Variants in RBM47 observed in about 807,000 individuals in gnomAD.
The protein encoded by RBM47 is RNA-binding protein 47.
A neutral mutation model predicts 47.1 loss-of-function variants in RBM47; 21 were observed. The observed-to-expected ratio is 0.45, with a 90% CI of 0.32 to 0.64. RBM47 has a LOEUF of 0.64. RBM47 is among the 30% of genes least tolerant of loss of function. The probability of loss-of-function intolerance (pLI) is 0.05; values close to 1 mark genes in which losing one functional copy is unlikely to be tolerated. For synonymous variants in RBM47, 375 were observed against 361.7 expected, an observed-to-expected ratio of 1.04 and a Z score of -0.42; for missense variants, 708 against 870.9, an observed-to-expected ratio of 0.81 and a Z score of 2.35.
At chr4:40,458,321 G>A (rs928022168) in intron 3 of RBM47, among the ~76,000 whole-genome samples, 22 of 152,092 alleles carry the variant, frequency 1.4e-4, no homozygotes, top group African/African-American at 5.1e-4. Flanking sequence ...CTTTTATTTG[G>A]TGAACATTAG....
intron 1 of RBM47, among the ~76,000 whole-genome samples, chr4:40,567,252 A>G (rs1731190670): frequency 6.6e-6 from 1 of 151,982 alleles, no homozygotes; most frequent in Admixed American, 6.5e-5. Context: ...ATTTTAGGAA[A>G]GTTACGTAAG....
chr4:40,540,039 C>T (rs1728357261), intron 2 of RBM47, among the ~76,000 whole-genome samples: 2 of 152,092 alleles, frequency 1.3e-5, no homozygotes, highest in Non-Finnish European at 2.9e-5. Context: ...AGGGTAAGGA[C>T]TCCAAATGTT....
intron 1 of RBM47, among the ~76,000 whole-genome samples, chr4:40,575,649 C>T (rs1438204375): frequency 6.6e-6 from 1 of 151,932 alleles, no homozygotes; most frequent in East Asian, 1.9e-4. Flanking sequence ...TGGTTTTGTC[C>T]TTAATCCCCG....
chr4:40,430,417 A>G lies in RBM47; in HGVS notation c.1542+2234T>C, dbSNP rs141704529. Among the ~76,000 whole-genome samples, 51 of 152,310 alleles carry G rather than the reference A, an allele frequency of 3.3e-4. No individual in the cohort carries two copies. In the East Asian group the frequency reaches 8.1e-3, roughly 24 times the overall value. ...AAGGAGAATTAGAAATTATTATCAG[A>G]ATTCCACTAAGTACTGCTGCTACGC... On this transcript the variant is annotated intron_variant, in intron 6 of 6. Coordinates refer to ENST00000295971, the MANE Select transcript of RBM47 (RefSeq NM_001098634.2).
intron 3 of RBM47, among the ~76,000 whole-genome samples, chr4:40,452,290 G>C (rs541681290): frequency 6.6e-6 from 1 of 152,220 alleles, no homozygotes; most frequent in African/African-American, 2.4e-5. Context: ...GGTGGATATG[G>C]GGCAGAAGAT....
intron 3 of RBM47, among the ~76,000 whole-genome samples, chr4:40,461,486 C>T (rs1209326040): frequency 6.6e-6 from 1 of 152,210 alleles, no homozygotes; most frequent in Non-Finnish European, 1.5e-5. Context: ...GTTATTTCCT[C>T]TTTCCCAAAT....
intron 3 of RBM47, among the ~76,000 whole-genome samples, chr4:40,457,199 C>T (rs1400655012): frequency 1.3e-5 from 2 of 151,212 alleles, no homozygotes; most frequent in East Asian, 2.0e-4. Flanking sequence ...TGGAGCGGAT[C>T]ACCTGAGATC....
At chr4:40,570,097 G>T (rs1437767802) in intron 1 of RBM47, among the ~76,000 whole-genome samples, 3 of 151,980 alleles carry the variant, frequency 2.0e-5, no homozygotes, top group Admixed American at 1.3e-4. Context: ...TTCTAAAGCA[G>T]CGGTCCCCAA....
At chr4:40,600,513 A>T (rs1265090312) in intron 1 of RBM47, among the ~76,000 whole-genome samples, 5 of 151,492 alleles carry the variant, frequency 3.3e-5, no homozygotes, top group Admixed American at 3.3e-4. Context: ...GGGCGCCTGT[A>T]GTCCCAGCTA....
intron 4 of RBM47, among the ~76,000 whole-genome samples, chr4:40,437,090 A>AAAAAAAAAAAAAAAAAATATATAT (rs1256296949): frequency 4.0e-5 from 2 of 49,840 alleles, no homozygotes; most frequent in Non-Finnish European, 6.6e-5. Context: ...AAAAAAAAAA[A>AAAAAAAAAAAAAAAAAATATATAT]ATATATATAT....
chr4:40,499,822 C>T (rs1484673547), intron 2 of RBM47, among the ~76,000 whole-genome samples: 1 of 152,232 alleles, frequency 6.6e-6, no homozygotes, highest in Admixed American at 6.5e-5. Flanking sequence ...AGAGTATTCA[C>T]TCACTCATTC....
At position 40,438,507 on chromosome 4, in the gene RBM47, A is replaced by T. The variant is rs369818557; in HGVS notation, c.387T>A (p.Arg129=). The T allele has an allele frequency of 1.9e-5, 30 of 1,613,428 alleles. No individual in the cohort carries two copies. The African/African-American group carries it at 3.5e-4, about 19-fold the overall frequency. ...CHKHEAKRAV[R]ELNNYEIRPG... Reference sequence around the variant, plus strand: ...GGCGGATCTCGTAGTTGTTGAGCTCACGCACTGCGCGCTTGGCCTCGTGCT... The same window carrying T: ...GGCGGATCTCGTAGTTGTTGAGCTCTCGCACTGCGCGCTTGGCCTCGTGCT... The change falls in exon 4 of 7, where the codon CGT becomes CGA. Residue 129 remains arginine (R), a synonymous_variant. Transcript: ENST00000295971.
intron 2 of RBM47, among the ~76,000 whole-genome samples, chr4:40,485,782 G>A (rs1720983611): frequency 1.3e-5 from 2 of 151,870 alleles, no homozygotes; most frequent in African/African-American, 2.4e-5. Flanking sequence ...AAAATAGGCC[G>A]GGTAGGGTGG....
chr4:40,528,443 T>C (rs1179774689), intron 2 of RBM47, among the ~76,000 whole-genome samples: 6 of 151,554 alleles, frequency 4.0e-5, no homozygotes, highest in African/African-American at 1.5e-4. Context: ...GGTCTCTCAC[T>C]GAGAAAACAA....
At chr4:40,433,388 C>A (rs1050225644) in intron 5 of RBM47, among the ~76,000 whole-genome samples, 1 of 152,146 alleles carries the variant, frequency 6.6e-6, no homozygotes, top group African/African-American at 2.4e-5. Context: ...GCAGGTAACT[C>A]CCCCTGCCTG....
At chr4:40,523,115 G>A (rs561797818) in intron 2 of RBM47, among the ~76,000 whole-genome samples, 5 of 151,790 alleles carry the variant, frequency 3.3e-5, no homozygotes, top group South Asian at 4.2e-4. Context: ...ATAGGCATGC[G>A]CCACTATGCC....
chr4:40,443,168 T>A, intron 3 of RBM47, among the ~76,000 whole-genome samples: 1 of 149,788 alleles, frequency 6.7e-6, no homozygotes, highest in Admixed American at 6.7e-5. Context: ...AAGGGAGGAG[T>A]GGGGAATTAG....
chr4:40,459,840 C>T (rs758823971), intron 3 of RBM47, among the ~76,000 whole-genome samples: 46 of 152,260 alleles, frequency 3.0e-4, no homozygotes, highest in Admixed American at 1.1e-3. Flanking sequence ...CCTCTGCCTC[C>T]GCCTCCCAGG....
At chr4:40,478,101 C>T (rs547329011) in intron 2 of RBM47, among the ~76,000 whole-genome samples, 47 of 150,330 alleles carry the variant, frequency 3.1e-4, no homozygotes, top group African/African-American at 1.1e-3. Context: ...CCGCAACCTC[C>T]GCCTCCTGGG....
Sources: allele counts gnomAD v4.1 joint callset (sites outside exome capture counted in the v4.1 genomes callset), GRCh38; gene constraint gnomAD v4.1.1; transcripts MANE v1.5; gene names NCBI Gene and HGNC (gene_info 2026-07-23, HGNC 2026-07-21).